PIK3C2G: variants seen among roughly 807,000 people sequenced by gnomAD.
PIK3C2G encodes the protein phosphatidylinositol-4-phosphate 3-kinase catalytic subunit type 2 gamma.
Under a neutral mutation model 181.1 loss-of-function variants are expected in PIK3C2G, and 168 were observed. That is an observed-to-expected ratio of 0.93 (90% CI 0.82 to 1.05). The LOEUF is 1.05. PIK3C2G is among the 50% of genes least tolerant of loss of function. PIK3C2G has a pLI of 0.00. For missense variants in PIK3C2G, 1,869 were observed against 1,732.8 expected (o/e 1.08, Z -1.40); for synonymous variants, 573 against 592.2 (o/e 0.97, Z 0.47).
intron 18 of PIK3C2G, among the ~76,000 whole-genome samples, chr12:18,476,441 C>T (rs1342986652): frequency 6.6e-6 from 1 of 152,004 alleles, no homozygotes; most frequent in East Asian, 1.9e-4. Context: ...TCTATTTTAT[C>T]CCGGGGAAGG....
chr12:18,651,192 G>T (rs1161023890), downstream of PIK3C2G, among the ~76,000 whole-genome samples: 1 of 151,764 alleles, frequency 6.6e-6, no homozygotes, highest in Non-Finnish European at 1.5e-5. Flanking sequence ...CTTCATCCCT[G>T]GGATCTTTGA....
At chr12:18,498,733 G>C (rs140670063) in intron 22 of PIK3C2G, among the ~76,000 whole-genome samples, 1 of 152,026 alleles carries the variant, frequency 6.6e-6, no homozygotes, top group South Asian at 2.1e-4. Flanking sequence ...AAATTCACTC[G>C]CCACTTAATA....
chr12:18,541,279 T>A (rs374341938), intron 25 of PIK3C2G, among the ~76,000 whole-genome samples: 1 of 151,910 alleles, frequency 6.6e-6, no homozygotes, highest in African/African-American at 2.4e-5. Flanking sequence ...TCTCCAGATA[T>A]CCATATTGCT....
intron 6 of PIK3C2G, among the ~76,000 whole-genome samples, chr12:18,318,453 A>G (rs1950964654): frequency 6.6e-6 from 1 of 152,118 alleles, no homozygotes; most frequent in African/African-American, 2.4e-5. Flanking sequence ...ACATCATAAG[A>G]AGATAGCAAA....
chr12:18,441,844 C>T (rs1231767179), intron 18 of PIK3C2G, among the ~76,000 whole-genome samples: 1 of 152,138 alleles, frequency 6.6e-6, no homozygotes, highest in Non-Finnish European at 1.5e-5. Flanking sequence ...CCTGGAGTCT[C>T]AAGTGTCAAA....
At chr12:18,323,401 C>T (rs1399567459) in intron 7 of PIK3C2G, among the ~76,000 whole-genome samples, 1 of 152,132 alleles carries the variant, frequency 6.6e-6, no homozygotes, top group Non-Finnish European at 1.5e-5. Flanking sequence ...ACTTGGCAAC[C>T]ATCACACAAA....
At chr12:18,459,766 G>C (rs1461205555) in intron 18 of PIK3C2G, among the ~76,000 whole-genome samples, 1 of 151,990 alleles carries the variant, frequency 6.6e-6, no homozygotes, top group Non-Finnish European at 1.5e-5. Flanking sequence ...CTATACTAAA[G>C]CCCTCTGAAA....
At chr12:18,503,177 A>AG in intron 22 of PIK3C2G, 104 bp from the exon 23 acceptor site, 2 of 704,634 alleles carry the variant, frequency 2.8e-6, no homozygotes, top group Non-Finnish European at 2.2e-6. Flanking sequence ...TGAAAAGGAA[A>AG]GGGGTAATCC....
At chr12:18,266,445 G>T (rs778808668) in intron 1 of PIK3C2G, among the ~76,000 whole-genome samples, 2 of 151,940 alleles carry the variant, frequency 1.3e-5, no homozygotes, top group African/African-American at 4.8e-5. Flanking sequence ...TCATTAATAC[G>T]GAGTAAATTT....
chr12:18,274,246 A>G (rs866444855), intron 1 of PIK3C2G, among the ~76,000 whole-genome samples: 168 of 152,246 alleles, frequency 1.1e-3, no homozygotes, highest in Admixed American at 3.2e-3. Context: ...TCAGTGTGGC[A>G]ATTCCTCAGA....
At chr12:18,269,059 C>A (rs1948633819) in intron 1 of PIK3C2G, among the ~76,000 whole-genome samples, 1 of 151,942 alleles carries the variant, frequency 6.6e-6, no homozygotes, top group South Asian at 2.1e-4. Context: ...TACAGCCGTG[C>A]ACCAACACAC....
chr12:18,599,920 A>G (rs972864032), intron 30 of PIK3C2G, among the ~76,000 whole-genome samples: 2 of 151,954 alleles, frequency 1.3e-5, no homozygotes, highest in African/African-American at 4.8e-5. Context: ...CATATCAAAT[A>G]ATTTGACAGC....
chr12:18,478,096 C>T (rs553327776), intron 18 of PIK3C2G, among the ~76,000 whole-genome samples: 1 of 152,052 alleles, frequency 6.6e-6, no homozygotes, highest in Non-Finnish European at 1.5e-5. Context: ...TTTAAAGTAA[C>T]TATATGGGTA....
chr12:18,311,067 T>A (rs1037623363), intron 5 of PIK3C2G, among the ~76,000 whole-genome samples: 2 of 151,970 alleles, frequency 1.3e-5, no homozygotes, highest in African/African-American at 4.8e-5. Flanking sequence ...TGAGTAAAAT[T>A]TGGATGTATC....
chr12:18,702,818 CT>C, the PIK3C2G span, among the ~76,000 whole-genome samples: 43 of 116,592 alleles, frequency 3.7e-4, no homozygotes, highest in East Asian at 5.2e-4. Context: ...GATAAAGTAA[CT>C]TTTTTTTTTT....
Position 18,346,726 on chromosome 12 carries a change from T to C in PIK3C2G, c.1515T>C (p.Phe505=). Residue 505 remains phenylalanine (F), a synonymous_variant, in exon 11 of 33, where the codon TTT becomes TTC. Coordinates refer to ENST00000538779, the MANE Select transcript of PIK3C2G (RefSeq NM_001288772.2). ...NVYCNSFYAD[F]QPVNVPRCTS... is the part of the protein sequence containing the mutation. ...ACTGTAACAGCTTTTATGCAGATTT[T>C]CAGCCTGTAAATGTACCTAGATGCA... 1 of 1,613,272 alleles carries C rather than the reference T, an allele frequency of 6.2e-7. No homozygotes were observed. The highest frequency in any genetic ancestry group is 1.1e-5 in the South Asian group (1 of 91,064).
intron 30 of PIK3C2G, among the ~76,000 whole-genome samples, chr12:18,604,244 T>C (rs1203658358): frequency 6.6e-6 from 1 of 152,168 alleles, no homozygotes; most frequent in Non-Finnish European, 1.5e-5. Flanking sequence ...GGGTTAGCTA[T>C]TCTTATATCA....
chr12:18,255,252 T>TAAATAAAC (rs1555136296), intron 1 of PIK3C2G, among the ~76,000 whole-genome samples: 24,686 of 142,498 alleles, frequency 0.17, 2,511 homozygotes, highest in East Asian at 0.45. Context: ...AATAAATAAA[T>TAAATAAAC]AAACAAACAA....
intron 8 of PIK3C2G, among the ~76,000 whole-genome samples, chr12:18,326,862 T>C (rs1219515173): frequency 6.6e-6 from 1 of 152,154 alleles, no homozygotes; most frequent in Non-Finnish European, 1.5e-5. Flanking sequence ...AACCTACTTA[T>C]GAATGAATTT....
Sources: gnomAD v4.1 joint callset for allele counts (sites outside exome capture counted in the v4.1 genomes callset) on GRCh38, gnomAD v4.1.1 for gene constraint, MANE v1.5 for transcripts, NCBI Gene and HGNC (gene_info 2026-07-23, HGNC 2026-07-21) for gene names.